FOXP2: variants seen among roughly 807,000 people sequenced by gnomAD.
The protein encoded by FOXP2 is forkhead box protein P2.
Under a neutral mutation model 115.8 loss-of-function variants are expected in FOXP2, and 12 were observed. The observed-to-expected ratio is 0.10, with a 90% CI of 0.07 to 0.17. The LOEUF (loss-of-function observed/expected upper bound fraction) is 0.17. Among genes scored for constraint, FOXP2 ranks in the 10% least tolerant of loss-of-function variants. The pLI is 1.00. For missense variants in FOXP2, 629 were observed against 843.5 expected, an observed-to-expected ratio of 0.75 and a Z score of 3.15; for synonymous variants, 328 against 297.7, an observed-to-expected ratio of 1.10 and a Z score of -1.05.
intron 2 of FOXP2, among the ~76,000 whole-genome samples, chr7:114,518,315 T>C (rs1467315208): frequency 6.6e-6 from 1 of 152,142 alleles, no homozygotes; most frequent in Non-Finnish European, 1.5e-5. Flanking sequence ...ATGAAATTTA[T>C]GAAATTTAAG....
At chr7:114,407,605 A>T (rs10255097) in intron 2 of FOXP2, among the ~76,000 whole-genome samples, 36 of 152,250 alleles carry the variant, frequency 2.4e-4, no homozygotes, top group East Asian at 2.3e-3. Flanking sequence ...ATGAATAACC[A>T]TGTTAATACT....
intron 2 of FOXP2, among the ~76,000 whole-genome samples, chr7:114,432,839 A>G (rs543259778): frequency 1.3e-5 from 2 of 151,966 alleles, no homozygotes; most frequent in Non-Finnish European, 2.9e-5. Flanking sequence ...CTGACAGTGT[A>G]GTTGATGTGC....
At chr7:114,367,632 G>A (rs1007496692) in intron 2 of FOXP2, among the ~76,000 whole-genome samples, 10 of 152,080 alleles carry the variant, frequency 6.6e-5, no homozygotes, top group African/African-American at 2.4e-4. Context: ...ATAGGTACTT[G>A]ATTTTTGGAA....
intron 3 of FOXP2, among the ~76,000 whole-genome samples, chr7:114,554,355 C>T (rs1800355277): frequency 6.6e-6 from 1 of 151,966 alleles, no homozygotes; most frequent in South Asian, 2.1e-4. Flanking sequence ...GTGTGTTTAC[C>T]ATTGTGCTTT....
chr7:114,663,480 C>G lies in FOXP2; in HGVS notation c.1800C>G (p.Thr600=). Residue 600 remains threonine (T), a synonymous_variant, in exon 15 of 17, where the codon ACC becomes ACG. Coordinates refer to ENST00000350908, the MANE Select transcript of FOXP2 (RefSeq NM_014491.4). The stretch of plus-strand genomic sequence containing the variant: ...CAACCTTAGTAAAAAATATACCTAC[C>G]AGTTTAGGCTATGGAGCAGCTCTTA... ...GSPTLVKNIP[T]SLGYGAALNA... 6.2e-7 allele frequency: 1 copy of G among 1,610,850 alleles called. No homozygotes were observed. Among genetic ancestry groups the G allele is most frequent in the Non-Finnish European group, 8.5e-7 (1 of 1,178,580 alleles).
intron 1 of FOXP2, among the ~76,000 whole-genome samples, chr7:114,244,321 C>A (rs190701052): frequency 2.0e-5 from 3 of 152,098 alleles, no homozygotes; most frequent in Admixed American, 6.5e-5. Context: ...AGTTTGTTAC[C>A]TTTTGCCTAA....
intron 1 of FOXP2, among the ~76,000 whole-genome samples, chr7:114,122,094 G>A (rs1470532757): frequency 6.6e-6 from 1 of 152,012 alleles, no homozygotes; most frequent in Non-Finnish European, 1.5e-5. Flanking sequence ...TTACTAGTAG[G>A]TGTATTTTGA....
intron 4 of FOXP2, chr7:114,629,505 GTCAGTAGGACT>G (rs1340737354): frequency 8.7e-7 from 1 of 1,150,352 alleles, no homozygotes; most frequent in Non-Finnish European, 1.2e-6. Flanking sequence ...GTTTTTATGT[GTCAGTAGGACT>G]TCAGATGTAA....
chr7:114,148,840 T>G (rs961871341), intron 1 of FOXP2, among the ~76,000 whole-genome samples: 5 of 152,170 alleles, frequency 3.3e-5, no homozygotes, highest in African/African-American at 7.2e-5. Flanking sequence ...CTTCTTTGCT[T>G]CATCTCCGTT....
At chr7:114,251,351 G>A (rs1361459260) in intron 1 of FOXP2, among the ~76,000 whole-genome samples, 3 of 152,224 alleles carry the variant, frequency 2.0e-5, no homozygotes, top group African/African-American at 7.2e-5. Flanking sequence ...TTGGTAGCTT[G>A]ATGGGGATGA....
chr7:114,319,589 C>T (rs2129181250), intron 2 of FOXP2, among the ~76,000 whole-genome samples: 1 of 152,206 alleles, frequency 6.6e-6, no homozygotes, highest in South Asian at 2.1e-4. Flanking sequence ...TTAAAACCAT[C>T]AGCTCTATTG....
At chr7:114,241,746 ATT>A (rs34087660) in intron 1 of FOXP2, among the ~76,000 whole-genome samples, 1 of 148,898 alleles carries the variant, frequency 6.7e-6, no homozygotes, top group Non-Finnish European at 1.5e-5. Context: ...GAAGCCACGT[ATT>A]TTTTTTTTAT....
At position 114,295,818 on chromosome 7, in the gene FOXP2, A is replaced by G. The variant is rs1031711910; in HGVS notation, c.-11+7709A>G. ...CTGTGGCCTTTATTAGGCTTGGCTC[A>G]CATTTTCACTGTTGCTTTGCCTTAT... On this transcript the variant is annotated intron_variant, in intron 2 of 17. Coordinates refer to the FOXP2 transcript ENST00000634411. Among the ~76,000 whole-genome samples the G allele has an allele frequency of 2.0e-5, 3 of 152,066 alleles. No homozygotes were observed. The South Asian group carries it at 6.2e-4, about 31-fold the overall frequency.
chr7:114,495,481 CTCTTTTTT>C (rs1562959795), intron 2 of FOXP2, among the ~76,000 whole-genome samples: 1 of 81,902 alleles, frequency 1.2e-5, no homozygotes, highest in South Asian at 4.2e-4. Flanking sequence ...CTTTCTCTCT[CTCTTTTTT>C]TTTTTTTTTT....
upstream of FOXP2, chr7:114,086,657 C>A: frequency 2.9e-6 from 1 of 344,406 alleles, no homozygotes; most frequent in Non-Finnish European, 5.8e-6. Context: ...CTCCGCACCC[C>A]ACCCTGTCCC....
chr7:114,138,889 G>A (rs1320750193), intron 1 of FOXP2, among the ~76,000 whole-genome samples: 2 of 152,136 alleles, frequency 1.3e-5, no homozygotes, highest in Non-Finnish European at 2.9e-5. Flanking sequence ...CAGAAAAAGG[G>A]ACATTAGGTA....
At chr7:114,635,526 C>T (rs1000902119) in intron 6 of FOXP2, among the ~76,000 whole-genome samples, 8 of 152,126 alleles carry the variant, frequency 5.3e-5, no homozygotes, top group Non-Finnish European at 7.4e-5. Context: ...AAAACTCTGC[C>T]AAGCTACCTG....
intron 2 of FOXP2, among the ~76,000 whole-genome samples, chr7:114,298,332 A>C (rs1367330125): frequency 6.6e-6 from 1 of 152,124 alleles, no homozygotes; most frequent in Non-Finnish European, 1.5e-5. Flanking sequence ...TCTCCTTTTC[A>C]AAATACTTCA....
At chr7:114,487,364 C>T (rs1204234829) in intron 2 of FOXP2, among the ~76,000 whole-genome samples, 2 of 152,116 alleles carry the variant, frequency 1.3e-5, no homozygotes, top group African/African-American at 2.4e-5. Flanking sequence ...CAGGGGGGCC[C>T]TGGACCCAAC....
Sources: gnomAD v4.1 joint callset for allele counts (sites outside exome capture counted in the v4.1 genomes callset) on GRCh38, gnomAD v4.1.1 for gene constraint, MANE v1.5 for transcripts, NCBI Gene and HGNC (gene_info 2026-07-23, HGNC 2026-07-21) for gene names.